Variants in ELOVL6 observed in about 807,000 individuals in gnomAD.
ELOVL6 encodes the protein ELOVL fatty acid elongase 6.
Under a neutral mutation model 31.7 loss-of-function variants are expected in ELOVL6, and 8 were observed. That is an observed-to-expected ratio of 0.25 (90% CI 0.15 to 0.45). ELOVL6 has a LOEUF of 0.45. Ranked by LOEUF, ELOVL6 falls within the 20% of genes least tolerant of loss-of-function variation. The pLI is 1.00. For synonymous variants in ELOVL6, 101 were observed against 117.7 expected, an observed-to-expected ratio of 0.86 and a Z score of 0.92; for missense variants, 126 against 326.4, an observed-to-expected ratio of 0.39 and a Z score of 4.73.
At chr4:110,061,509 A>T (rs554174260) in intron 2 of ELOVL6, among the ~76,000 whole-genome samples, 1 of 140,788 alleles carries the variant, frequency 7.1e-6, no homozygotes, top group South Asian at 2.3e-4. Context: ...GTCTTATCTG[A>T]ATTTTTTTTG....
intron 1 of ELOVL6, among the ~76,000 whole-genome samples, chr4:110,181,201 C>T (rs1334909857): frequency 6.6e-6 from 1 of 151,942 alleles, no homozygotes; most frequent in Non-Finnish European, 1.5e-5. Context: ...AATCCCAACA[C>T]TCTGAGAGGC....
intron 3 of ELOVL6, among the ~76,000 whole-genome samples, chr4:110,054,230 T>C (rs192448465): frequency 9.2e-5 from 14 of 152,386 alleles, no homozygotes; most frequent in African/African-American, 2.4e-4. Context: ...TGTCTATAAG[T>C]GTCAGGCAGA....
chr4:110,177,966 T>C (rs978141289), intron 1 of ELOVL6, among the ~76,000 whole-genome samples: 1 of 152,172 alleles, frequency 6.6e-6, no homozygotes, highest in African/African-American at 2.4e-5. Context: ...CTTAAAACAA[T>C]TGTAATACTA....
At chr4:110,162,886 T>G (rs998115594) in intron 1 of ELOVL6, among the ~76,000 whole-genome samples, 1 of 152,188 alleles carries the variant, frequency 6.6e-6, no homozygotes, top group African/African-American at 2.4e-5. Flanking sequence ...CACTCATTGA[T>G]GAAGAGAAAA....
chr4:110,096,858 T>C (rs935015546), intron 2 of ELOVL6, among the ~76,000 whole-genome samples: 15 of 152,138 alleles, frequency 9.9e-5, no homozygotes, highest in African/African-American at 3.6e-4. Flanking sequence ...TAGCTGCAAT[T>C]TGTTAGGCAG....
intron 1 of ELOVL6, among the ~76,000 whole-genome samples, chr4:110,109,690 C>A (rs929375270): frequency 6.6e-6 from 1 of 152,046 alleles, no homozygotes; most frequent in Non-Finnish European, 1.5e-5. Flanking sequence ...TTTTTAAACT[C>A]GTGGGATTTC....
chr4:110,053,581 G>A (rs1055706911), intron 3 of ELOVL6, among the ~76,000 whole-genome samples: 7 of 152,198 alleles, frequency 4.6e-5, no homozygotes, highest in African/African-American at 1.7e-4. Context: ...AAGGCGGGGG[G>A]ATCACCTGAG....
chr4:110,061,769 G>A lies in ELOVL6; in HGVS notation c.222-2015C>T, dbSNP rs542089418. ...GATGGGGTTTCACTATGTTGGCCAGGCCGGTCTCAAACTCCTGACCTCGTG... is the reference window on the plus strand; with the variant it reads ...GATGGGGTTTCACTATGTTGGCCAGACCGGTCTCAAACTCCTGACCTCGTG... On this transcript the variant is annotated intron_variant, in intron 2 of 3. Transcript: ENST00000302274. Among the ~76,000 whole-genome samples the A allele has an allele frequency of 9.9e-5, 15 of 151,914 alleles. No individual in the cohort carries two copies. In the South Asian group the frequency reaches 3.1e-3, roughly 32 times the overall value.
intron 1 of ELOVL6, among the ~76,000 whole-genome samples, chr4:110,169,808 T>A (rs1321681544): frequency 7.9e-6 from 1 of 126,832 alleles, no homozygotes. Context: ...TCTTTCTTTC[T>A]TTTTTTTTTT....
At chr4:110,081,679 A>G (rs1452026463) in intron 2 of ELOVL6, among the ~76,000 whole-genome samples, 3 of 151,310 alleles carry the variant, frequency 2.0e-5, no homozygotes, top group African/African-American at 7.3e-5. Context: ...GGACATAGGC[A>G]TGGGCAAGGA....
At chr4:110,194,615 T>C (rs1759718617) in intron 1 of ELOVL6, among the ~76,000 whole-genome samples, 1 of 152,216 alleles carries the variant, frequency 6.6e-6, no homozygotes, top group Non-Finnish European at 1.5e-5. Context: ...CCTTTAGGGT[T>C]TATACAAATG....
At chr4:110,118,776 T>C (rs1171605789) in intron 1 of ELOVL6, among the ~76,000 whole-genome samples, 5 of 152,188 alleles carry the variant, frequency 3.3e-5, no homozygotes, top group East Asian at 3.8e-4. Flanking sequence ...CTTTAAAAAA[T>C]TGAGAGTAGG....
chr4:110,117,369 T>C (rs1422400189), intron 1 of ELOVL6, among the ~76,000 whole-genome samples: 1 of 152,200 alleles, frequency 6.6e-6, no homozygotes, highest in Non-Finnish European at 1.5e-5. Context: ...ATACCACTTA[T>C]GCCTCAGACA....
intron 1 of ELOVL6, among the ~76,000 whole-genome samples, chr4:110,194,466 T>A (rs1030418649): frequency 6.6e-6 from 1 of 152,234 alleles, no homozygotes; most frequent in African/African-American, 2.4e-5. Context: ...CAATTGCTAT[T>A]CTAACCTATT....
At chr4:110,068,215 C>T (rs541915674) in intron 2 of ELOVL6, among the ~76,000 whole-genome samples, 3 of 152,166 alleles carry the variant, frequency 2.0e-5, no homozygotes, top group Non-Finnish European at 2.9e-5. Context: ...CCTTCAGGCA[C>T]GAAGTAACTT....
intron 1 of ELOVL6, among the ~76,000 whole-genome samples, chr4:110,180,800 G>A (rs1208972230): frequency 6.6e-6 from 1 of 152,050 alleles, no homozygotes. Context: ...ATAAAGGATA[G>A]GAACAAAAAA....
chr4:110,117,245 G>A (rs1487088622), intron 1 of ELOVL6, among the ~76,000 whole-genome samples: 1 of 152,158 alleles, frequency 6.6e-6, no homozygotes, highest in African/African-American at 2.4e-5. Context: ...TAGTGCTAAG[G>A]TTGAGGATCC....
chr4:110,141,055 T>C (rs1201105489), intron 1 of ELOVL6, among the ~76,000 whole-genome samples: 1 of 151,692 alleles, frequency 6.6e-6, no homozygotes, highest in Non-Finnish European at 1.5e-5. Flanking sequence ...GATTCAAGTA[T>C]TGAATTGGTT....
intron 1 of ELOVL6, among the ~76,000 whole-genome samples, chr4:110,112,864 A>T (rs1757073875): frequency 6.6e-6 from 1 of 151,622 alleles, no homozygotes; most frequent in African/African-American, 2.4e-5. Context: ...ACAGAGCAAG[A>T]CTCCATCTCA....
Sources: gnomAD v4.1 joint callset for allele counts (sites outside exome capture counted in the v4.1 genomes callset) on GRCh38, gnomAD v4.1.1 for gene constraint, MANE v1.5 for transcripts, NCBI Gene and HGNC (gene_info 2026-07-23, HGNC 2026-07-21) for gene names.